The following ENKUR variants were observed in gnomAD, a reference collection of about 807,000 sequenced individuals.
ENKUR encodes the protein enkurin.
In ENKUR, 19 loss-of-function variants were observed where a neutral mutation model predicts 27.6. The observed-to-expected ratio is 0.69, with a 90% CI of 0.48 to 1.01. The LOEUF (loss-of-function observed/expected upper bound fraction) is 1.01, where lower values mean the gene tolerates loss of function less well. Ranked by LOEUF, ENKUR falls within the 50% of genes least tolerant of loss-of-function variation. ENKUR has a pLI of 0.00. For missense variants in ENKUR, 312 were observed against 310.5 expected, an observed-to-expected ratio of 1.00 and a Z score of -0.04; for synonymous variants, 117 against 96.9, an observed-to-expected ratio of 1.21 and a Z score of -1.22.
At chr10:25,044,791 C>G (rs905809420) in intron 2 of ENKUR, among the ~76,000 whole-genome samples, 4 of 152,202 alleles carry the variant, frequency 2.6e-5, no homozygotes, top group Non-Finnish European at 5.9e-5. Context: ...TTATTGTTTT[C>G]CCTTGAGTAT....
intron 2 of ENKUR, among the ~76,000 whole-genome samples, chr10:25,035,955 C>T (rs1347928391): frequency 6.6e-6 from 1 of 152,006 alleles, no homozygotes; most frequent in Non-Finnish European, 1.5e-5. Context: ...ATATTTGTTA[C>T]AAAACAAAAA....
chr10:24,995,810 G>C lies in ENKUR; in HGVS notation c.283C>G (p.Pro95Ala). Residue 95 changes from proline (P) to alanine (A), a missense_variant, in exon 3 of 6, where the codon CCT (proline) becomes GCT (alanine). Pro to Ala is a conservative substitution (Grantham distance 27). Coordinates refer to ENST00000331161, the MANE Select transcript of ENKUR (RefSeq NM_145010.4). Reference protein sequence around the residue: ...KPAVPLKTDHPVMGIQSGKNF... With the variant: ...KPAVPLKTDHAVMGIQSGKNF... ...TTTCCACTCTGTATTCCCATGACAG[G>C]ATGATCAGTCTTCAATGGCACAGCA... The C allele has an allele frequency of 6.2e-7, 1 of 1,613,938 alleles. No homozygotes were observed. The highest frequency in any genetic ancestry group is 8.5e-7 in the Non-Finnish European group (1 of 1,179,994).
intron 2 of ENKUR, chr10:25,026,812 C>T (rs1026457554): frequency 6.6e-6 from 1 of 152,212 alleles, no homozygotes; most frequent in Non-Finnish European, 1.5e-5. Flanking sequence ...GTTTAATAAG[C>T]AAGAGAAATT....
At chr10:25,060,233 T>C (rs903634727) in intron 2 of ENKUR, among the ~76,000 whole-genome samples, 11 of 152,060 alleles carry the variant, frequency 7.2e-5, no homozygotes, top group Admixed American at 7.2e-4. Flanking sequence ...TCTAAAAATG[T>C]GTTGTGCAAG....
In ENKUR at chr10:25,021,546, T is replaced by C. The variant is rs574455145; in HGVS notation, c.38-25677A>G. Among the ~76,000 whole-genome samples the C allele has an allele frequency of 3.9e-5, 6 of 152,350 alleles. No homozygotes were observed. The East Asian group carries it at 1.2e-3, about 29-fold the overall frequency. ...TTCAGTACTGTTTAGTGAAATTCTT[T>C]TTATAATGAGACACACATGTTTAAA... On this transcript the variant is annotated intron_variant, in intron 2 of 5. Coordinates refer to the ENKUR transcript ENST00000615958.
At chr10:25,059,632 A>G (rs1285212849) in intron 2 of ENKUR, among the ~76,000 whole-genome samples, 1 of 152,102 alleles carries the variant, frequency 6.6e-6, no homozygotes, top group Admixed American at 6.5e-5. Flanking sequence ...GCACCCCCCA[A>G]AAAATGCTAA....
intron 2 of ENKUR, among the ~76,000 whole-genome samples, chr10:25,043,039 G>A (rs1851083387): frequency 6.6e-6 from 1 of 152,138 alleles, no homozygotes; most frequent in African/African-American, 2.4e-5. Flanking sequence ...TTATATGTGA[G>A]AGCGGCATTA....
chr10:25,057,933 A>G (rs909338352), intron 2 of ENKUR, among the ~76,000 whole-genome samples: 2 of 151,262 alleles, frequency 1.3e-5, no homozygotes, highest in Admixed American at 6.6e-5. Flanking sequence ...GTGCAAAAGT[A>G]ATTTTATATA....
chr10:25,035,640 C>T (rs1322277689), intron 2 of ENKUR, among the ~76,000 whole-genome samples: 1 of 152,062 alleles, frequency 6.6e-6, no homozygotes, highest in Non-Finnish European at 1.5e-5. Context: ...TCTTCTCCCT[C>T]CAGTATTCTT....
At chr10:24,988,434 T>C (rs556457241) in intron 4 of ENKUR, among the ~76,000 whole-genome samples, 2 of 143,388 alleles carry the variant, frequency 1.4e-5, no homozygotes, top group East Asian at 3.9e-4. Context: ...GTAAAATTTA[T>C]TTTTTATATT....
rs927140064 is a variant in ENKUR at position 25,034,263 on chromosome 10, C to T, written c.37+26849G>A. 2.0e-5 allele frequency among the ~76,000 whole-genome samples: 3 copies of T among 152,116 alleles called. No individual in the cohort carries two copies. The East Asian group carries it at 5.8e-4, about 29-fold the overall frequency. On this transcript the variant is annotated intron_variant, in intron 2 of 5. Coordinates refer to the ENKUR transcript ENST00000615958. ...TTCAGAGAGCCACTTCCTACCACTG[C>T]ACTATGTGGCAAACACATGGTATTA... is the stretch of plus-strand genomic sequence containing the variant.
chr10:25,035,326 G>A (rs986637076), intron 2 of ENKUR, among the ~76,000 whole-genome samples: 1 of 152,176 alleles, frequency 6.6e-6, no homozygotes, highest in Admixed American at 6.5e-5. Context: ...AGACTGAGGC[G>A]AGTGGATCAC....
upstream of ENKUR, among the ~76,000 whole-genome samples, chr10:25,018,673 T>G (rs1018082809): frequency 1.3e-5 from 2 of 151,458 alleles, no homozygotes; most frequent in African/African-American, 4.8e-5. Context: ...TTTTTTTTTT[T>G]TTTTTTGCGA....
chr10:25,029,877 G>A (rs925343874), intron 2 of ENKUR, among the ~76,000 whole-genome samples: 11 of 152,208 alleles, frequency 7.2e-5, no homozygotes, highest in Non-Finnish European at 1.6e-4. Flanking sequence ...TGATCAGCTG[G>A]CAATATTTTG....
intron 2 of ENKUR, chr10:25,023,414 C>T (rs766497076): frequency 1.2e-6 from 2 of 1,614,104 alleles, no homozygotes; most frequent in Non-Finnish European, 1.7e-6. Flanking sequence ...ATGGGACCTC[C>T]TGGTGCTGGG....
At chr10:24,997,893 CT>C (rs1352652610) in intron 2 of ENKUR, among the ~76,000 whole-genome samples, 1 of 151,676 alleles carries the variant, frequency 6.6e-6, no homozygotes, top group Non-Finnish European at 1.5e-5. Context: ...ACCAGTGGTC[CT>C]AAGGCATTGA....
chr10:25,023,440 A>G, intron 2 of ENKUR: 1 of 1,614,180 alleles, frequency 6.2e-7, no homozygotes, highest in Non-Finnish European at 8.5e-7. Context: ...AACAGTAGGC[A>G]GAATAATAGG....
Position 24,984,290 on chromosome 10 carries a change from C to A in ENKUR, c.*80G>T. 6.9e-7 allele frequency: 1 copy of A among 1,453,316 alleles called. No individual in the cohort carries two copies. Among genetic ancestry groups the A allele is most frequent in the Non-Finnish European group, 9.4e-7 (1 of 1,067,578 alleles). 90.0% of individuals were successfully genotyped at this position (1,453,316 alleles called of 1,614,324 possible). A position where few individuals can be genotyped will look rare whatever the true frequency, so the allele number is the denominator to read the frequency against. ...GAGCTCAGAAACAATGTGTTGGAGA[C>A]AGTTTAGAGTAGCAAGAAGGCACGT... On this transcript the variant is annotated 3_prime_UTR_variant, in exon 6 of 6. Transcript: ENST00000331161.
intron 2 of ENKUR, among the ~76,000 whole-genome samples, chr10:25,059,931 G>C (rs1373448522): frequency 6.6e-6 from 1 of 152,190 alleles, no homozygotes; most frequent in East Asian, 1.9e-4. Flanking sequence ...GGATGAATTG[G>C]AGTTGGTTCA....
Sources: allele counts gnomAD v4.1 joint callset (sites outside exome capture counted in the v4.1 genomes callset), GRCh38; gene constraint gnomAD v4.1.1; transcripts MANE v1.5; gene names NCBI Gene and HGNC (gene_info 2026-07-23, HGNC 2026-07-21).